Variants in FBN1 observed in about 807,000 individuals in gnomAD.
The protein encoded by FBN1 is fibrillin 1, also known as fibrillin-1.
Under a neutral mutation model 365.1 loss-of-function variants are expected in FBN1, and 29 were observed. That is an observed-to-expected ratio of 0.08 (90% CI 0.06 to 0.11). FBN1 has a LOEUF of 0.11. Among genes scored for constraint, FBN1 ranks in the 10% least tolerant of loss-of-function variants. The pLI is 1.00. For synonymous variants in FBN1, 1,210 were observed against 1,270.5 expected (o/e 0.95, Z 1.01); for missense variants, 2,476 against 3,703.2 (o/e 0.67, Z 8.60).
chr15:48,437,974 C>A, intron 50 of FBN1, 57 bp from the exon 51 acceptor site: 16 of 1,574,556 alleles, frequency 1.0e-5, no homozygotes, highest in African/African-American at 2.7e-5. Flanking sequence ...CCGTATTGCA[C>A]CATAGCAAAT....
At position 48,463,248 on chromosome 15, in the gene FBN1, G is replaced by A; in HGVS notation, c.5066-8C>T. The A allele has an allele frequency of 6.2e-7, 1 of 1,613,126 alleles. No homozygotes were observed. Among genetic ancestry groups the A allele is most frequent in the Non-Finnish European group, 8.5e-7 (1 of 1,179,558 alleles). On this transcript the variant is annotated splice_polypyrimidine_tract_variant and splice_region_variant and intron_variant, in intron 41 of 65. Transcript: ENST00000316623. ...ACAAACTTCTTCTCATATCTAGAAG[G>A]GAGGTAAAAAAAAGGATTGGAGGGT...
At chr15:48,531,288 G>A (rs2043970895) in intron 8 of FBN1, among the ~76,000 whole-genome samples, 1 of 151,898 alleles carries the variant, frequency 6.6e-6, no homozygotes, top group South Asian at 2.1e-4. Flanking sequence ...TTTTTGGAAA[G>A]AGGGACATTT....
At chr15:48,528,307 T>C (rs1486574019) in intron 8 of FBN1, among the ~76,000 whole-genome samples, 1 of 152,248 alleles carries the variant, frequency 6.6e-6, no homozygotes, top group African/African-American at 2.4e-5. Flanking sequence ...ATCTTTTCCA[T>C]GCTGGCTGAG....
At chr15:48,460,222 T>G (rs1160957455) in intron 43 of FBN1, 24 bp downstream of exon 43, 2 of 1,598,384 alleles carry the variant, frequency 1.3e-6, no homozygotes, top group African/African-American at 2.7e-5. Flanking sequence ...ACCAGAAAGT[T>G]CTGACAATGC....
In FBN1 at chr15:48,444,460, C is replaced by T. The variant is rs187838209; in HGVS notation, c.6037+81G>A. On this transcript the variant is annotated intron_variant, in intron 49 of 65. Coordinates refer to ENST00000316623, the MANE Select transcript of FBN1 (RefSeq NM_000138.5). ...CTGATAAAGTATTCCAAAATGAAGA[C>T]GTCATTACAAAAATTCTCATTCTGC... 854 of 1,522,918 alleles carry T rather than the reference C, an allele frequency of 5.6e-4. 5 individuals are homozygous for T. The African/African-American group carries it at 8.6e-3, about 15-fold the overall frequency. The allele number at this position is 1,522,918 out of a possible 1,614,324, so 94.3% of individuals were successfully genotyped here.
intron 22 of FBN1, 29 bp downstream of exon 22, chr15:48,495,090 TGGTA>T (rs769234633): frequency 6.2e-7 from 1 of 1,613,456 alleles, no homozygotes; most frequent in Non-Finnish European, 8.5e-7. Context: ...ACCATTGGAG[TGGTA>T]TAGGAACCAC....
chr15:48,453,764 T>C (rs897757063), intron 44 of FBN1, among the ~76,000 whole-genome samples: 5 of 152,026 alleles, frequency 3.3e-5, no homozygotes, highest in African/African-American at 9.7e-5. Flanking sequence ...AGGGAATATA[T>C]GATAAATCTT....
intron 4 of FBN1, among the ~76,000 whole-genome samples, chr15:48,604,540 TCAAA>T (rs1363320027): frequency 3.9e-5 from 6 of 152,096 alleles, no homozygotes; most frequent in Non-Finnish European, 8.8e-5. Context: ...ACTAAAATTC[TCAAA>T]CAAACAAATA....
chr15:48,600,216 C>T lies in FBN1; in HGVS notation c.365G>A (p.Arg122His), dbSNP rs1010750845. The change falls in exon 5 of 66, where the codon CGC becomes CAC. Residue 122 changes from arginine (R) to histidine (H), a missense_variant. This residue lies in a region of FBN1 where 421 missense variants were observed against 520.1 expected (regional missense o/e 0.81). Coordinates refer to ENST00000316623, the MANE Select transcript of FBN1 (RefSeq NM_000138.5). ...ACTGCAGCTACCTCCATTCATACAG[C>T]GAATATTGCAGTGTTGTACTTGAAA... ...GSRSIQHCNI[R>H]CMNGGSCSDD... 1.9e-5 allele frequency: 31 copies of T among 1,613,268 alleles called. No homozygotes were observed. Among genetic ancestry groups the T allele is most frequent in the East Asian group, 1.8e-4 (8 of 44,850 alleles).
At chr15:48,536,527 T>G (rs1317511261) in intron 7 of FBN1, among the ~76,000 whole-genome samples, 3 of 152,234 alleles carry the variant, frequency 2.0e-5, no homozygotes, top group South Asian at 4.2e-4. Flanking sequence ...ACGGGAAAAA[T>G]AAGAAGGCAC....
At chr15:48,548,700 G>A (rs1434424433) in intron 6 of FBN1, among the ~76,000 whole-genome samples, 1 of 152,138 alleles carries the variant, frequency 6.6e-6, no homozygotes, top group East Asian at 1.9e-4. Flanking sequence ...TTCGGAAAGT[G>A]TATATGGTTA....
At chr15:48,637,014 T>C (rs1890106509) in intron 2 of FBN1, among the ~76,000 whole-genome samples, 1 of 152,250 alleles carries the variant, frequency 6.6e-6, no homozygotes, top group African/African-American at 2.4e-5. Flanking sequence ...GGTGCTACAA[T>C]GACTTCGTGT....
At chr15:48,420,877 G>A in intron 62 of FBN1, 71 bp from the exon 63 acceptor site, 5 of 1,571,612 alleles carry the variant, frequency 3.2e-6, no homozygotes, top group Non-Finnish European at 4.4e-6. Context: ...ATTCTAATAA[G>A]AAATCTGGCC....
intron 50 of FBN1, among the ~76,000 whole-genome samples, chr15:48,441,226 C>A (rs1193259376): frequency 6.6e-6 from 1 of 152,016 alleles, no homozygotes; most frequent in East Asian, 1.9e-4. Flanking sequence ...GAACAATGGC[C>A]CAGCAAGAAT....
chr15:48,644,829 C>T lies in FBN1; in HGVS notation c.-60G>A. On this transcript the variant is annotated 5_prime_UTR_variant, in exon 2 of 66. Transcript: ENST00000316623. ...GCCGCGCCCGGGGCTCGGTCTGCGG[C>T]CGCCGCTGCGCCCTGAAGCGCACCG... 6.5e-7 allele frequency: 1 copy of T among 1,539,710 alleles called. No individual in the cohort carries two copies. The highest frequency in any genetic ancestry group is 8.7e-7 in the Non-Finnish European group (1 of 1,146,112).
chr15:48,489,248 C>T (rs1408524038), intron 25 of FBN1, among the ~76,000 whole-genome samples: 1 of 124,456 alleles, frequency 8.0e-6, no homozygotes, highest in Non-Finnish European at 1.6e-5. Context: ...AGGGTTTCAC[C>T]ATGTTGCCCA....
chr15:48,472,446 C>T, intron 35 of FBN1, 105 bp downstream of exon 35: 1 of 1,451,656 alleles, frequency 6.9e-7, no homozygotes, highest in Non-Finnish European at 9.5e-7. Flanking sequence ...GAAGCTAAAA[C>T]ACACCTCAGT....
intron 13 of FBN1, 115 bp from the exon 14 acceptor site, chr15:48,510,284 T>C: frequency 1.0e-6 from 1 of 954,170 alleles, no homozygotes; most frequent in Non-Finnish European, 1.6e-6. Flanking sequence ...TTTAATTACT[T>C]AATAATATTC....
chr15:48,532,044 T>C (rs1238239436), intron 8 of FBN1, among the ~76,000 whole-genome samples: 3 of 152,232 alleles, frequency 2.0e-5, no homozygotes, highest in Non-Finnish European at 2.9e-5. Context: ...TTTGGTCCAC[T>C]GGATACACCA....
Sources: allele counts gnomAD v4.1 joint callset (sites outside exome capture counted in the v4.1 genomes callset), GRCh38; gene constraint gnomAD v4.1.1; regional missense constraint gnomAD v4.1.1; transcripts MANE v1.5; gene names NCBI Gene and HGNC (gene_info 2026-07-23, HGNC 2026-07-21).